POLA2: variants seen among roughly 807,000 people sequenced by gnomAD.
POLA2 encodes DNA polymerase alpha 2, accessory subunit.
Under a neutral mutation model 82.8 loss-of-function variants are expected in POLA2, and 47 were observed. The ratio of observed to expected loss-of-function variants is 0.57; its 90% CI spans 0.45 to 0.72. The LOEUF (loss-of-function observed/expected upper bound fraction) is 0.72, where lower values mean the gene tolerates loss of function less well. POLA2 is among the 30% of genes least tolerant of loss of function. The probability of loss-of-function intolerance (pLI) is 0.00; values close to 1 mark genes in which losing one functional copy is unlikely to be tolerated. For missense variants in POLA2, 634 were observed against 728.1 expected (o/e 0.87, Z 1.49); for synonymous variants, 287 against 286.8 (o/e 1.00, Z -0.01).
At chr11:65,277,249 C>G (rs1949591935) in intron 5 of POLA2, among the ~76,000 whole-genome samples, 2 of 150,836 alleles carry the variant, frequency 1.3e-5, no homozygotes, top group Admixed American at 1.3e-4. Flanking sequence ...ACAACTATAG[C>G]TCACTGTAGC....
At chr11:65,289,167 C>A in intron 12 of POLA2, 79 bp downstream of exon 12, 1 of 1,128,822 alleles carries the variant, frequency 8.9e-7, no homozygotes, top group Non-Finnish European at 1.3e-6. Context: ...TAGTGTTTAT[C>A]CCACATCTGT....
chr11:65,292,296 C>T (rs1220251279), intron 13 of POLA2, among the ~76,000 whole-genome samples: 1 of 152,230 alleles, frequency 6.6e-6, no homozygotes, highest in East Asian at 1.9e-4. Context: ...GCCCGCGGTT[C>T]TCGTCCTGTT....
intron 16 of POLA2, 58 bp from the exon 17 acceptor site, chr11:65,295,806 G>C: frequency 6.3e-7 from 1 of 1,584,370 alleles, no homozygotes. Flanking sequence ...GGGGGACTCT[G>C]TCTGAGAAGG....
At chr11:65,287,092 C>G (rs1190491181) in intron 10 of POLA2, among the ~76,000 whole-genome samples, 1 of 152,178 alleles carries the variant, frequency 6.6e-6, no homozygotes, top group Non-Finnish European at 1.5e-5. Context: ...TGTGCCTGCC[C>G]TTGGCTAGAG....
chr11:65,283,665 G>T (rs1018632183), intron 10 of POLA2, among the ~76,000 whole-genome samples: 1 of 151,704 alleles, frequency 6.6e-6, no homozygotes, highest in Non-Finnish European at 1.5e-5. Context: ...CCATAGTGAT[G>T]GGGTTTCACC....
At chr11:65,269,112 C>T (rs1949493932) in intron 4 of POLA2, among the ~76,000 whole-genome samples, 1 of 152,146 alleles carries the variant, frequency 6.6e-6, no homozygotes, top group Admixed American at 6.6e-5. Flanking sequence ...ACCTAGGTGA[C>T]CTGGAGTGAG....
At chr11:65,276,265 G>C (rs1158715810) in intron 5 of POLA2, among the ~76,000 whole-genome samples, 2 of 152,102 alleles carry the variant, frequency 1.3e-5, no homozygotes, top group Non-Finnish European at 2.9e-5. Flanking sequence ...CTGATATCTT[G>C]TATTGAAAAC....
rs183289759 is a variant in POLA2 at position 65,296,305 on chromosome 11, C to T, written c.1647+315C>T. Reference sequence around the variant, plus strand: ...ACCTGGGGAAGATTTCATATGTACACTTGCCTGTCCTCTGCCTCCCAAATT... The same window carrying T: ...ACCTGGGGAAGATTTCATATGTACATTTGCCTGTCCTCTGCCTCCCAAATT... On this transcript the variant is annotated intron_variant, in intron 17 of 17. Coordinates refer to ENST00000265465, the MANE Select transcript of POLA2 (RefSeq NM_002689.4). 6.6e-5 allele frequency: 17 copies of T among 256,520 alleles called. 1 individual carries two copies. The highest frequency in any genetic ancestry group is 6.5e-4 in the Admixed American group (14 of 21,426). 15.9% of individuals were successfully genotyped at this position (256,520 alleles called of 1,614,324 possible).
intron 10 of POLA2, among the ~76,000 whole-genome samples, chr11:65,285,367 A>G (rs975246894): frequency 2.6e-5 from 4 of 151,838 alleles, no homozygotes; most frequent in African/African-American, 9.7e-5. Flanking sequence ...ATCGCCAATG[A>G]ACTCCAGCCT....
intron 10 of POLA2, 65 bp downstream of exon 10, chr11:65,282,586 A>G (rs1590902270): frequency 7.3e-7 from 1 of 1,365,202 alleles, no homozygotes; most frequent in Non-Finnish European, 1.0e-6. Flanking sequence ...CCAGGAGTGC[A>G]GTTTCCCAAG....
chr11:65,275,433 C>T (rs1312638186), intron 4 of POLA2, among the ~76,000 whole-genome samples: 1 of 151,434 alleles, frequency 6.6e-6, no homozygotes, highest in African/African-American at 2.4e-5. Context: ...TGAGCTCAAC[C>T]TTGTTATCTG....
At chr11:65,291,804 C>T (rs1949758368) in intron 13 of POLA2, among the ~76,000 whole-genome samples, 1 of 152,252 alleles carries the variant, frequency 6.6e-6, no homozygotes. Context: ...GCACTTTCAT[C>T]TATGGCCAGT....
chr11:65,292,282 C>A (rs957698835), intron 13 of POLA2, among the ~76,000 whole-genome samples: 2 of 152,198 alleles, frequency 1.3e-5, no homozygotes, highest in African/African-American at 4.8e-5. Flanking sequence ...AGAAAGCGAG[C>A]AGAGCCCGCG....
intron 17 of POLA2, 70 bp from the exon 18 acceptor site, chr11:65,297,050 A>C (rs1186685001): frequency 2.6e-6 from 4 of 1,535,954 alleles, no homozygotes; most frequent in African/African-American, 2.8e-5. Context: ...ATGTGATGGC[A>C]CTTCTTTTTC....
At chr11:65,303,355 A>C (rs532848545), downstream of POLA2, among the ~76,000 whole-genome samples, 7 of 151,486 alleles carry the variant, frequency 4.6e-5, no homozygotes, top group South Asian at 4.2e-4. Context: ...AAAAAAAAAA[A>C]AAAAAACCGA....
intron 13 of POLA2, among the ~76,000 whole-genome samples, chr11:65,291,421 T>G (rs1263290489): frequency 1.3e-5 from 2 of 152,198 alleles, no homozygotes; most frequent in Non-Finnish European, 1.5e-5. Flanking sequence ...AATCAGAGAC[T>G]TGGGTTGTGC....
chr11:65,295,852 C>A lies in POLA2; in HGVS notation c.1521-12C>A. On this transcript the variant is annotated splice_polypyrimidine_tract_variant and intron_variant, in intron 16 of 17. Coordinates refer to ENST00000265465, the MANE Select transcript of POLA2 (RefSeq NM_002689.4). ...GTCAGCTAGTGCTGACAATTTCTCT[C>A]TGTCTCTGTAGCTACTACCCACTCT... The A allele has an allele frequency of 2.5e-6, 4 of 1,603,764 alleles. No individual in the cohort carries two copies. In the South Asian group the frequency reaches 3.3e-5, roughly 13 times the overall value.
chr11:65,281,299 A>G (rs910624043), intron 8 of POLA2, 152 bp downstream of exon 8: 197 of 851,316 alleles, frequency 2.3e-4, no homozygotes, highest in Non-Finnish European at 3.3e-4. Flanking sequence ...CACTGTTGGG[A>G]TTCCTGTTTC....
intron 10 of POLA2, among the ~76,000 whole-genome samples, chr11:65,286,564 A>G (rs1394065947): frequency 2.6e-5 from 4 of 151,908 alleles, no homozygotes; most frequent in Non-Finnish European, 5.9e-5. Flanking sequence ...TAATTTTTGT[A>G]TTTTTTGTAG....
Sources: allele counts gnomAD v4.1 joint callset (sites outside exome capture counted in the v4.1 genomes callset), GRCh38; gene constraint gnomAD v4.1.1; transcripts MANE v1.5; gene names NCBI Gene and HGNC (gene_info 2026-07-23, HGNC 2026-07-21).